Variants in TMEM132D observed in about 807,000 individuals in gnomAD.
TMEM132D encodes transmembrane protein 132D.
In TMEM132D, 21 loss-of-function variants were observed where a neutral mutation model predicts 62.3. The ratio of observed to expected loss-of-function variants is 0.34; its 90% CI spans 0.24 to 0.49. TMEM132D has a LOEUF of 0.49. TMEM132D is among the 20% of genes least tolerant of loss of function. TMEM132D has a pLI of 0.99. For missense variants in TMEM132D, 1,346 were observed against 1,402.8 expected (o/e 0.96, Z 0.65); for synonymous variants, 621 against 575.6 (o/e 1.08, Z -1.13).
chr12:129,217,632 G>A (rs143096787), intron 4 of TMEM132D, among the ~76,000 whole-genome samples: 137 of 152,256 alleles, frequency 9.0e-4, no homozygotes, highest in African/African-American at 3.3e-3. Flanking sequence ...ACTTAACTCT[G>A]TGTGAGGCAC....
intron 4 of TMEM132D, among the ~76,000 whole-genome samples, chr12:129,306,822 C>A (rs10847827): frequency 0.29 from 44,322 of 151,994 alleles, 6,908 homozygotes; most frequent in Non-Finnish European, 0.34. Flanking sequence ...CAGAGCAAAT[C>A]TAGACAACAA....
At chr12:129,874,137 TAAGA>T (rs1566015836) in intron 1 of TMEM132D, among the ~76,000 whole-genome samples, 1 of 152,342 alleles carries the variant, frequency 6.6e-6, no homozygotes, top group East Asian at 1.9e-4. Flanking sequence ...TGAAATTCAC[TAAGA>T]AAGTAAATAT....
chr12:129,666,257 C>A (rs890685305), intron 2 of TMEM132D, among the ~76,000 whole-genome samples: 2 of 152,150 alleles, frequency 1.3e-5, no homozygotes, highest in African/African-American at 4.8e-5. Context: ...AAGAAACTGG[C>A]AAATGAAAAA....
intron 4 of TMEM132D, among the ~76,000 whole-genome samples, chr12:129,284,699 T>C (rs1226822465): frequency 6.6e-6 from 1 of 152,170 alleles, no homozygotes; most frequent in Non-Finnish European, 1.5e-5. Flanking sequence ...TAACAAAATA[T>C]AGCATATAAA....
At chr12:129,135,211 C>T (rs1291576416) in intron 5 of TMEM132D, among the ~76,000 whole-genome samples, 1 of 152,192 alleles carries the variant, frequency 6.6e-6, no homozygotes, top group Non-Finnish European at 1.5e-5. Flanking sequence ...CAGAGACAAA[C>T]TTCAGATCTC....
In TMEM132D at chr12:129,495,959, A is replaced by G. The variant is rs565318293; in HGVS notation, c.1115+35100T>C. Among the ~76,000 whole-genome samples the G allele has an allele frequency of 8.5e-5, 13 of 152,316 alleles. No homozygotes were observed. The South Asian group carries it at 2.7e-3, about 32-fold the overall frequency. On this transcript the variant is annotated intron_variant, in intron 3 of 8. Coordinates refer to ENST00000422113, the MANE Select transcript of TMEM132D (RefSeq NM_133448.3). ...TTTACTTTTACAAGTCCATTATGAAATAAATAGCAAACTCAGTAAGGCAGG... is the reference window on the plus strand; with the variant it reads ...TTTACTTTTACAAGTCCATTATGAAGTAAATAGCAAACTCAGTAAGGCAGG...
At chr12:129,756,629 A>C (rs1200115935) in intron 1 of TMEM132D, among the ~76,000 whole-genome samples, 1 of 152,252 alleles carries the variant, frequency 6.6e-6, no homozygotes, top group Non-Finnish European at 1.5e-5. Flanking sequence ...GTATGTGAAC[A>C]TGCCAAATGC....
intron 3 of TMEM132D, among the ~76,000 whole-genome samples, chr12:129,430,624 T>A (rs1872628896): frequency 6.6e-6 from 1 of 152,176 alleles, no homozygotes; most frequent in Non-Finnish European, 1.5e-5. Flanking sequence ...TTAACTAGTA[T>A]GTAACATCCC....
chr12:129,679,497 G>A (rs1364893736), intron 2 of TMEM132D, among the ~76,000 whole-genome samples: 4 of 151,960 alleles, frequency 2.6e-5, no homozygotes, highest in Non-Finnish European at 2.9e-5. Flanking sequence ...CAGCTCCAAG[G>A]TCAGAATGTA....
intron 1 of TMEM132D, among the ~76,000 whole-genome samples, chr12:129,782,598 A>G (rs1003484352): frequency 2.0e-5 from 3 of 152,262 alleles, no homozygotes; most frequent in African/African-American, 7.2e-5. Context: ...AGGGGAAGGG[A>G]AAAGGAAGCT....
intron 2 of TMEM132D, among the ~76,000 whole-genome samples, chr12:129,629,970 A>G (rs1163570437): frequency 6.6e-6 from 1 of 152,236 alleles, no homozygotes; most frequent in Non-Finnish European, 1.5e-5. Flanking sequence ...TTGAGCCAGC[A>G]CTTGAAAAGG....
At chr12:129,498,013 C>T (rs930980698) in intron 3 of TMEM132D, among the ~76,000 whole-genome samples, 2 of 152,084 alleles carry the variant, frequency 1.3e-5, no homozygotes, top group Non-Finnish European at 2.9e-5. Context: ...TTTCCCAGCT[C>T]TGGTTGTTTT....
At chr12:129,099,532 G>A (rs572170746) in intron 5 of TMEM132D, among the ~76,000 whole-genome samples, 1 of 152,306 alleles carries the variant, frequency 6.6e-6, no homozygotes, top group African/African-American at 2.4e-5. Flanking sequence ...CTGTGTCATG[G>A]GAAGCCCAGG....
At chr12:129,179,038 G>A (rs1390552942) in intron 5 of TMEM132D, among the ~76,000 whole-genome samples, 1 of 152,164 alleles carries the variant, frequency 6.6e-6, no homozygotes, top group Non-Finnish European at 1.5e-5. Context: ...CACCAAATGG[G>A]GCCAAATGCC....
At chr12:129,579,603 C>T (rs181558230) in intron 2 of TMEM132D, among the ~76,000 whole-genome samples, 52 of 152,266 alleles carry the variant, frequency 3.4e-4, no homozygotes, top group East Asian at 2.1e-3. Flanking sequence ...GTCTGATGTT[C>T]GAGGGCAGGA....
At chr12:129,636,888 A>C (rs1879497692) in intron 2 of TMEM132D, among the ~76,000 whole-genome samples, 1 of 152,116 alleles carries the variant, frequency 6.6e-6, no homozygotes, top group African/African-American at 2.4e-5. Flanking sequence ...ATTTAGGACT[A>C]ATGTGGACCA....
chr12:129,877,454 G>A (rs1361238223), intron 1 of TMEM132D, among the ~76,000 whole-genome samples: 1 of 152,156 alleles, frequency 6.6e-6, no homozygotes, highest in Non-Finnish European at 1.5e-5. Flanking sequence ...TTGTTCAGCT[G>A]AGAAACATCC....
At chr12:129,593,566 G>C (rs1878252616) in intron 2 of TMEM132D, among the ~76,000 whole-genome samples, 1 of 152,134 alleles carries the variant, frequency 6.6e-6, no homozygotes, top group Non-Finnish European at 1.5e-5. Flanking sequence ...TGTGAAGGGT[G>C]GGTTAAAAGA....
intron 4 of TMEM132D, among the ~76,000 whole-genome samples, chr12:129,270,022 G>A (rs1364948642): frequency 1.3e-5 from 2 of 152,140 alleles, no homozygotes; most frequent in Non-Finnish European, 1.5e-5. Flanking sequence ...CGAGCCACTC[G>A]GGAAAAGCCG....
Sources: gnomAD v4.1 joint callset for allele counts (sites outside exome capture counted in the v4.1 genomes callset) on GRCh38, gnomAD v4.1.1 for gene constraint, MANE v1.5 for transcripts, NCBI Gene and HGNC (gene_info 2026-07-23, HGNC 2026-07-21) for gene names.